GABBR2: variants seen among roughly 807,000 people sequenced by gnomAD.
The protein encoded by GABBR2 is G-protein coupled receptor 51.
In GABBR2, 23 loss-of-function variants were observed where a neutral mutation model predicts 105.6. That is an observed-to-expected ratio of 0.22 (90% CI 0.16 to 0.31). The LOEUF (loss-of-function observed/expected upper bound fraction) is 0.31. Ranked by LOEUF, GABBR2 falls within the 10% of genes least tolerant of loss-of-function variation. The probability of loss-of-function intolerance (pLI) is 1.00; values close to 1 mark genes in which losing one functional copy is unlikely to be tolerated. For synonymous variants in GABBR2, 478 were observed against 499.7 expected (o/e 0.96, Z 0.58); for missense variants, 734 against 1,245.5 (o/e 0.59, Z 6.18).
intron 13 of GABBR2, among the ~76,000 whole-genome samples, chr9:98,312,949 C>T (rs1158175005): frequency 1.3e-5 from 2 of 152,128 alleles, no homozygotes; most frequent in Non-Finnish European, 2.9e-5. Context: ...GGGGTTTCAC[C>T]ATGCTGGCCA....
intron 4 of GABBR2, among the ~76,000 whole-genome samples, chr9:98,489,624 T>C (rs1468928863): frequency 6.6e-6 from 1 of 152,196 alleles, no homozygotes; most frequent in Non-Finnish European, 1.5e-5. Flanking sequence ...CTTTTCTCTA[T>C]TCCAGCATCT....
At chr9:98,586,816 A>G (rs1227850917) in intron 1 of GABBR2, among the ~76,000 whole-genome samples, 1 of 152,146 alleles carries the variant, frequency 6.6e-6, no homozygotes, top group East Asian at 1.9e-4. Context: ...CCATTGTGTG[A>G]ATATGCCACC....
intron 2 of GABBR2, among the ~76,000 whole-genome samples, chr9:98,577,228 A>ATGGTTAGGCGAAGG (rs769775744): frequency 6.6e-6 from 1 of 151,130 alleles, no homozygotes; most frequent in African/African-American, 2.4e-5. Context: ...GGATGGATGG[A>ATGGTTAGGCGAAGG]GCAAAAAAGT....
At chr9:98,610,905 T>C (rs1434380066) in intron 1 of GABBR2, among the ~76,000 whole-genome samples, 1 of 152,084 alleles carries the variant, frequency 6.6e-6, no homozygotes, top group Admixed American at 6.5e-5. Context: ...GGCAGGAGAA[T>C]TGCTTGAGCC....
At chr9:98,622,548 G>C (rs572957131) in intron 1 of GABBR2, among the ~76,000 whole-genome samples, 4 of 152,142 alleles carry the variant, frequency 2.6e-5, no homozygotes, top group Admixed American at 2.6e-4. Context: ...AGTTTCAAGA[G>C]AAGCAAGAGT....
At position 98,388,781 on chromosome 9, in the gene GABBR2, G is replaced by T; in HGVS notation, c.1529+73C>A. On this transcript the variant is annotated intron_variant, in intron 10 of 18. Transcript: ENST00000259455. The surrounding 1 kb of genome is among the most constrained non-coding windows in gnomAD (Gnocchi z 4.4). ...GTGTCCCTGGGGAATCTGTCATGTGGCACTCCTATACTGTGTCCATAGGCT... is the reference window on the plus strand; with the variant it reads ...GTGTCCCTGGGGAATCTGTCATGTGTCACTCCTATACTGTGTCCATAGGCT... The T allele has an allele frequency of 8.4e-7, 1 of 1,187,098 alleles. No homozygotes were observed. Among genetic ancestry groups the T allele is most frequent in the Non-Finnish European group, 1.2e-6 (1 of 841,030 alleles). 73.5% of individuals were successfully genotyped at this position (1,187,098 alleles called of 1,614,324 possible).
chr9:98,520,667 G>A (rs1483857924), intron 3 of GABBR2, among the ~76,000 whole-genome samples: 1 of 152,226 alleles, frequency 6.6e-6, no homozygotes, highest in African/African-American at 2.4e-5. Context: ...CTTTCAAAGG[G>A]GATGGAAACT....
chr9:98,670,437 C>T (rs1830393337), intron 1 of GABBR2, among the ~76,000 whole-genome samples: 1 of 152,050 alleles, frequency 6.6e-6, no homozygotes. Flanking sequence ...TATGGCGGTT[C>T]CCCCCTAAAA....
intron 3 of GABBR2, among the ~76,000 whole-genome samples, chr9:98,515,721 T>C (rs1373794455): frequency 6.6e-6 from 1 of 150,734 alleles, no homozygotes; most frequent in Non-Finnish European, 1.5e-5. Context: ...CATCCCTCAC[T>C]CCAAGCCCTC....
At chr9:98,390,034 A>T (rs111294570) in intron 9 of GABBR2, among the ~76,000 whole-genome samples, 167 of 152,298 alleles carry the variant, frequency 1.1e-3, no homozygotes, top group African/African-American at 3.9e-3. Flanking sequence ...TCCCCTGAAC[A>T]TCTGGGTTTA....
chr9:98,669,304 G>A (rs1030813583), intron 1 of GABBR2, among the ~76,000 whole-genome samples: 3 of 152,114 alleles, frequency 2.0e-5, no homozygotes. Flanking sequence ...TTTCCCTAAA[G>A]GTTGGTGAAC....
At chr9:98,634,103 C>T (rs1472245893) in intron 1 of GABBR2, among the ~76,000 whole-genome samples, 1 of 152,206 alleles carries the variant, frequency 6.6e-6, no homozygotes, top group Non-Finnish European at 1.5e-5. Flanking sequence ...CAACAGCATG[C>T]ACGAGACTGC....
At chr9:98,384,673 T>C (rs1201822091) in intron 11 of GABBR2, among the ~76,000 whole-genome samples, 2 of 152,230 alleles carry the variant, frequency 1.3e-5, no homozygotes, top group Admixed American at 6.5e-5. Context: ...ACTTTAAAAA[T>C]AATCTTTCTA....
intron 12 of GABBR2, among the ~76,000 whole-genome samples, chr9:98,367,360 A>G (rs987301034): frequency 1.3e-5 from 2 of 152,104 alleles, no homozygotes; most frequent in Non-Finnish European, 2.9e-5. Flanking sequence ...AAAAGAAACA[A>G]AACAAGTCAG....
rs1342924052 is a variant in GABBR2 at position 98,388,744 on chromosome 9, C to T, written c.1529+110G>A. 1 of 874,276 alleles carries T rather than the reference C, an allele frequency of 1.1e-6. No homozygotes were observed. Among genetic ancestry groups the T allele is most frequent in the Non-Finnish European group, 1.8e-6 (1 of 569,122 alleles). 54.2% of individuals were successfully genotyped at this position (874,276 alleles called of 1,614,324 possible). On this transcript the variant is annotated intron_variant, in intron 10 of 18. Coordinates refer to ENST00000259455, the MANE Select transcript of GABBR2 (RefSeq NM_005458.8). The surrounding 1 kb of genome is among the most constrained non-coding windows in gnomAD (Gnocchi z 4.4). ...GAGGAACACTTTGGGAAACTCTGCC[C>T]TGCAGACTTCTGTGTCCCTGGGGAA...
At chr9:98,634,359 T>A (rs1588261758) in intron 1 of GABBR2, among the ~76,000 whole-genome samples, 2 of 152,248 alleles carry the variant, frequency 1.3e-5, no homozygotes, top group African/African-American at 4.8e-5. Context: ...AGAATGTGAC[T>A]TCATTTGGAA....
At chr9:98,505,691 A>G (rs888745891) in intron 3 of GABBR2, among the ~76,000 whole-genome samples, 3 of 152,196 alleles carry the variant, frequency 2.0e-5, no homozygotes, top group African/African-American at 7.2e-5. Context: ...CTTGGGGCAC[A>G]GAGACATGAA....
intron 1 of GABBR2, among the ~76,000 whole-genome samples, chr9:98,648,125 A>G (rs1377329481): frequency 3.2e-5 from 2 of 62,700 alleles, no homozygotes; most frequent in Non-Finnish European, 7.2e-5. Context: ...GTATAGATAG[A>G]TAGATAGATA....
chr9:98,614,945 C>T (rs1829559181), intron 1 of GABBR2, among the ~76,000 whole-genome samples: 1 of 152,200 alleles, frequency 6.6e-6, no homozygotes, highest in Non-Finnish European at 1.5e-5. Flanking sequence ...TATTAACCTT[C>T]CCTCTGCCTG....
Sources: allele counts gnomAD v4.1 joint callset (sites outside exome capture counted in the v4.1 genomes callset), GRCh38; gene constraint gnomAD v4.1.1; non-coding constraint Gnocchi (gnomAD v3.1); transcripts MANE v1.5; gene names NCBI Gene and HGNC (gene_info 2026-07-23, HGNC 2026-07-21).